SGCD: variants seen among roughly 807,000 people sequenced by gnomAD.
SGCD encodes the protein delta-sarcoglycan.
A neutral mutation model predicts 36.6 loss-of-function variants in SGCD; 18 were observed. The observed-to-expected ratio is 0.49, with a 90% CI of 0.34 to 0.73. The LOEUF is 0.73. Ranked by LOEUF, SGCD falls within the 30% of genes least tolerant of loss-of-function variation. The pLI, the probability that SGCD is intolerant of heterozygous loss-of-function variation, is 0.01. For synonymous variants in SGCD, 133 were observed against 130.6 expected, an observed-to-expected ratio of 1.02 and a Z score of -0.12; for missense variants, 387 against 346.7, an observed-to-expected ratio of 1.12 and a Z score of -0.92.
At chr5:156,744,805 A>C (rs1424657577) in intron 7 of SGCD, among the ~76,000 whole-genome samples, 1 of 152,236 alleles carries the variant, frequency 6.6e-6, no homozygotes, top group African/African-American at 2.4e-5. Context: ...ATTTAAAAAG[A>C]AGCTGCCAAC....
At chr5:156,514,049 A>G (rs1201290939) in intron 4 of SGCD, among the ~76,000 whole-genome samples, 4 of 152,250 alleles carry the variant, frequency 2.6e-5, no homozygotes, top group African/African-American at 9.6e-5. Context: ...TGCTATTTCA[A>G]TGTGATTGGA....
intron 3 of SGCD, among the ~76,000 whole-genome samples, chr5:156,162,152 G>T (rs760365381): frequency 7.9e-5 from 12 of 151,352 alleles, no homozygotes; most frequent in Non-Finnish European, 1.3e-4. Context: ...GTAAGCCAAG[G>T]AAGGAAGGAA....
the SGCD span, among the ~76,000 whole-genome samples, chr5:155,792,924 A>G: frequency 6.6e-6 from 1 of 152,208 alleles, no homozygotes; most frequent in Non-Finnish European, 1.5e-5. Context: ...AGGAAAATAA[A>G]TGGTTCTACC....
At chr5:156,325,967 A>G (rs116602149), upstream of SGCD, among the ~76,000 whole-genome samples, 1 of 152,324 alleles carries the variant, frequency 6.6e-6, no homozygotes, top group Non-Finnish European at 1.5e-5. Context: ...TCCCCTCAAG[A>G]ACATACAACA....
chr5:156,292,435 A>G (rs1313118582), intron 3 of SGCD, among the ~76,000 whole-genome samples: 1 of 152,146 alleles, frequency 6.6e-6, no homozygotes, highest in Non-Finnish European at 1.5e-5. Flanking sequence ...GTTGTAGCAT[A>G]TATCAGAATT....
chr5:156,474,471 C>T (rs1429309760), intron 3 of SGCD, among the ~76,000 whole-genome samples: 1 of 152,162 alleles, frequency 6.6e-6, no homozygotes, highest in East Asian at 1.9e-4. Context: ...TCTATAGCAG[C>T]TTGTCTCATT....
chr5:156,645,980 A>G (rs187096828), intron 6 of SGCD, among the ~76,000 whole-genome samples: 5 of 152,280 alleles, frequency 3.3e-5, no homozygotes, highest in African/African-American at 9.6e-5. Context: ...TAAAGGTACT[A>G]TCAACACACT....
Position 156,051,536 on chromosome 5 carries a change from T to A in SGCD, c.-281-66342T>A, listed in dbSNP as rs74715530. On this transcript the variant is annotated intron_variant, in intron 1 of 9. Transcript: ENST00000517913. ...TCTTTATGCAAGATAGTACAACAAATACTATAATATATTTATTCATTTAAC... is the reference window on the plus strand; with the variant it reads ...TCTTTATGCAAGATAGTACAACAAAAACTATAATATATTTATTCATTTAAC... 8.9e-5 allele frequency among the ~76,000 whole-genome samples: 13 copies of A among 146,368 alleles called. No homozygotes were observed. The East Asian group carries it at 1.9e-3, about 22-fold the overall frequency.
intron 6 of SGCD, among the ~76,000 whole-genome samples, chr5:156,615,742 A>G (rs986296244): frequency 6.6e-6 from 1 of 152,228 alleles, no homozygotes; most frequent in Non-Finnish European, 1.5e-5. Flanking sequence ...AGATAGATAC[A>G]CTTGGCAGAT....
chr5:156,415,810 A>G (rs1247753185), intron 3 of SGCD, among the ~76,000 whole-genome samples: 5 of 152,166 alleles, frequency 3.3e-5, no homozygotes, highest in African/African-American at 9.7e-5. Flanking sequence ...TGGATTTCAA[A>G]TAGGGGTTAA....
chr5:155,799,705 G>T, the SGCD span, among the ~76,000 whole-genome samples: 2 of 149,966 alleles, frequency 1.3e-5, no homozygotes, highest in East Asian at 2.0e-4. Context: ...AAAGAACAAT[G>T]ACTTTAGAAC....
intron 3 of SGCD, among the ~76,000 whole-genome samples, chr5:156,278,311 G>C (rs1766371472): frequency 6.6e-6 from 1 of 152,072 alleles, no homozygotes; most frequent in South Asian, 2.1e-4. Flanking sequence ...AGAGTGTCAG[G>C]AAAAAGCCTA....
chr5:156,545,829 G>GC (rs1046526872), intron 4 of SGCD, among the ~76,000 whole-genome samples: 22 of 152,180 alleles, frequency 1.4e-4, no homozygotes, highest in African/African-American at 5.3e-4. Flanking sequence ...TCTGCGGGAA[G>GC]CCCAATACTG....
At chr5:156,169,218 G>T (rs545212156) in intron 3 of SGCD, among the ~76,000 whole-genome samples, 9 of 152,188 alleles carry the variant, frequency 5.9e-5, no homozygotes, top group Non-Finnish European at 1.2e-4. Flanking sequence ...TATAGGAAAC[G>T]AAGGAATTAT....
At chr5:155,768,468 T>A in the SGCD span, among the ~76,000 whole-genome samples, 1 of 152,106 alleles carries the variant, frequency 6.6e-6, no homozygotes, top group Non-Finnish European at 1.5e-5. Context: ...GAATCCTGAC[T>A]GGGAAATGCG....
At chr5:155,928,704 C>G (rs1004635812) in intron 1 of SGCD, among the ~76,000 whole-genome samples, 3 of 131,010 alleles carry the variant, frequency 2.3e-5, no homozygotes, top group Non-Finnish European at 5.0e-5. Flanking sequence ...AAAAAAAATA[C>G]AGCACATATG....
At chr5:156,710,898 A>G (rs927345377) in intron 7 of SGCD, among the ~76,000 whole-genome samples, 2 of 152,262 alleles carry the variant, frequency 1.3e-5, no homozygotes, top group Non-Finnish European at 2.9e-5. Flanking sequence ...TACAGAATGT[A>G]AATTTACTCC....
intron 1 of SGCD, among the ~76,000 whole-genome samples, chr5:155,942,180 A>T (rs1308833776): frequency 6.6e-6 from 1 of 152,212 alleles, no homozygotes; most frequent in Non-Finnish European, 1.5e-5. Flanking sequence ...GATAATGGAG[A>T]CTGGACAAAA....
At chr5:156,296,897 C>G (rs1369186137) in intron 3 of SGCD, among the ~76,000 whole-genome samples, 1 of 151,990 alleles carries the variant, frequency 6.6e-6, no homozygotes, top group Non-Finnish European at 1.5e-5. Flanking sequence ...CATATGTACA[C>G]ATGCACACTA....
Sources: allele counts gnomAD v4.1 joint callset (sites outside exome capture counted in the v4.1 genomes callset), GRCh38; gene constraint gnomAD v4.1.1; transcripts MANE v1.5; gene names NCBI Gene and HGNC (gene_info 2026-07-23, HGNC 2026-07-21).